The following ME2 variants were observed in gnomAD, a reference collection of about 807,000 sequenced individuals.
The protein encoded by ME2 is NAD-dependent malic enzyme, mitochondrial.
In ME2, 60 loss-of-function variants were observed where a neutral mutation model predicts 73.7. The observed-to-expected ratio is 0.81, with a 90% CI of 0.66 to 1.01. The LOEUF (loss-of-function observed/expected upper bound fraction) is 1.01. Ranked by LOEUF, ME2 falls within the 50% of genes least tolerant of loss-of-function variation. ME2 has a pLI of 0.00. For missense variants in ME2, 594 were observed against 705.5 expected (o/e 0.84, Z 1.79); for synonymous variants, 199 against 236.9 (o/e 0.84, Z 1.47).
At chr18:50,889,432 G>A (rs1028276699) in intron 1 of ME2, among the ~76,000 whole-genome samples, 3 of 152,210 alleles carry the variant, frequency 2.0e-5, no homozygotes, top group African/African-American at 4.8e-5. Flanking sequence ...CCTGTCCAGA[G>A]AGGGCATGGA....
chr18:50,905,749 T>C (rs967498484), intron 2 of ME2, among the ~76,000 whole-genome samples: 4 of 152,206 alleles, frequency 2.6e-5, no homozygotes, highest in African/African-American at 9.6e-5. Flanking sequence ...GATAGGAGGC[T>C]TTGGAGACCA....
rs1274604441 is a variant in ME2, at chr18:50,954,085, T to G, written c.*6901T>G. The G allele has an allele frequency of 6.6e-6, 1 of 152,234 alleles. No individual in the cohort carries two copies. Among genetic ancestry groups the G allele is most frequent in the Non-Finnish European group, 1.5e-5 (1 of 68,036 alleles). 9.4% of individuals were successfully genotyped at this position (152,234 alleles called of 1,614,324 possible). ...GTAATTGCTTATGGGAATGCTAGTT[T>G]AAGAGGAATGCCTTGTATAGAACAT... On this transcript the variant is annotated 3_prime_UTR_variant, in exon 16 of 16. Coordinates refer to ENST00000321341, the MANE Select transcript of ME2 (RefSeq NM_002396.5).
chr18:50,890,192 A>G (rs1317377424), intron 1 of ME2, among the ~76,000 whole-genome samples: 1 of 152,204 alleles, frequency 6.6e-6, no homozygotes, highest in Non-Finnish European at 1.5e-5. Context: ...CTCAAAAGGC[A>G]AACTATAATA....
In ME2 at chr18:50,950,486, T is replaced by TTTTTTTTTC. The variant is rs1918200941; in HGVS notation, c.*3310_*3311insCTTTTTTTT. 1 of 142,874 alleles carries TTTTTTTTTC rather than the reference T, an allele frequency of 7.0e-6. No homozygotes were observed. Among genetic ancestry groups the TTTTTTTTTC allele is most frequent in the Non-Finnish European group, 1.5e-5 (1 of 65,650 alleles). 8.9% of individuals were successfully genotyped at this position (142,874 alleles called of 1,614,324 possible). Reference sequence around the variant, plus strand: ...ATTCTGCTTTTTTTTTTTTTTTTTTTTTTTTTTTTAAACAGGGTCTCTTTC... The same window carrying TTTTTTTTTC: ...ATTCTGCTTTTTTTTTTTTTTTTTTTTTTTTTTTCTTTTTTTTTAAACAGGGTCTCTTTC... On this transcript the variant is annotated 3_prime_UTR_variant, in exon 16 of 16. Transcript: ENST00000321341.
chr18:50,906,443 G>C (rs868568457), intron 2 of ME2, among the ~76,000 whole-genome samples: 37 of 152,226 alleles, frequency 2.4e-4, no homozygotes, highest in Middle Eastern at 3.4e-3. Context: ...CCCCCGAGTA[G>C]CTGGGACCAC....
At chr18:50,919,668 C>T (rs1917374581) in intron 7 of ME2, among the ~76,000 whole-genome samples, 1 of 152,174 alleles carries the variant, frequency 6.6e-6, no homozygotes. Flanking sequence ...GCTTCTGCCA[C>T]TCCCGTCTCC....
chr18:50,934,512 G>A (rs1917771228), intron 13 of ME2: 1 of 152,102 alleles, frequency 6.6e-6, no homozygotes, highest in East Asian at 1.9e-4. Flanking sequence ...ACCAGGTGTA[G>A]TGGTGCACAC....
intron 15 of ME2, among the ~76,000 whole-genome samples, chr18:50,943,027 G>C (rs1467994691): frequency 1.3e-5 from 2 of 151,864 alleles, no homozygotes; most frequent in African/African-American, 4.8e-5. Context: ...AAACTCCTAG[G>C]CTCAAGTGAT....
intron 12 of ME2, among the ~76,000 whole-genome samples, chr18:50,931,850 ATTTTTTGT>A (rs1917698335): frequency 6.7e-6 from 1 of 149,194 alleles, no homozygotes; most frequent in African/African-American, 2.6e-5. Context: ...AATTTTTTGT[ATTTTTTGT>A]ATTTTTTGTA....
rs142825462 is a variant in ME2, at chr18:50,891,974, T to G, written c.-12-3835T>G. 2.9e-3 allele frequency among the ~76,000 whole-genome samples: 430 copies of G among 148,230 alleles called. 3 individuals carry two copies. Among genetic ancestry groups the G allele is most frequent in the African/African-American group, 0.01 (402 of 38,290 alleles). On this transcript the variant is annotated intron_variant, in intron 1 of 15. Coordinates refer to ENST00000321341, the MANE Select transcript of ME2 (RefSeq NM_002396.5). ...CACCACCACACCCAGCTAATTTTAT[T>G]TTTGTGTGTGTGGGTTTTTTTTTTT...
At chr18:50,935,565 A>T (rs1224220150) in intron 13 of ME2, 1 of 148,186 alleles carries the variant, frequency 6.7e-6, no homozygotes, top group Non-Finnish European at 1.5e-5. Flanking sequence ...CAACGTAGTG[A>T]GACCCCCATC....
intron 3 of ME2, among the ~76,000 whole-genome samples, chr18:50,908,594 T>C (rs982151959): frequency 3.3e-5 from 5 of 152,194 alleles, no homozygotes; most frequent in African/African-American, 1.2e-4. Context: ...TCTAGGATAC[T>C]TTGGAGAATA....
chr18:50,939,683 T>C (rs1276728321), intron 14 of ME2, 43 bp downstream of exon 14: 2 of 1,302,598 alleles, frequency 1.5e-6, no homozygotes, highest in East Asian at 2.3e-5. Context: ...GGATGAATTA[T>C]AAAGATGAGT....
chr18:50,924,213 G>A lies in ME2; in HGVS notation c.1171+1G>A. On this transcript the variant is annotated splice_donor_variant, in intron 11 of 15. Transcript: ENST00000321341. LOFTEE classifies it high-confidence loss of function. The stretch of plus-strand genomic sequence containing the variant: ...ATACTGAAGCCTTCAACTATAATTG[G>A]TAGGTAAAGTTTTTCTGATAAATAA... The A allele has an allele frequency of 6.3e-7, 1 of 1,581,026 alleles. No homozygotes were observed. The highest frequency in any genetic ancestry group is 8.6e-7 in the Non-Finnish European group (1 of 1,156,736).
At chr18:50,918,742 C>G (rs1264816307) in intron 7 of ME2, among the ~76,000 whole-genome samples, 1 of 144,486 alleles carries the variant, frequency 6.9e-6, no homozygotes, top group Non-Finnish European at 1.5e-5. Context: ...TTCTTGCTGT[C>G]TCTTACTAAA....
chr18:50,946,293 C>T (rs1219400096), intron 15 of ME2, among the ~76,000 whole-genome samples: 1 of 152,104 alleles, frequency 6.6e-6, no homozygotes, highest in East Asian at 1.9e-4. Context: ...ATTTGAAATT[C>T]ACTCAAGCCA....
At position 50,942,070 on chromosome 18, in the gene ME2, TCTC is replaced by T. The variant is rs927558978; in HGVS notation, c.1587+1688_1587+1690del. Reference sequence around the variant, plus strand: ...AATTATTTGTTTATTTTGTGGATTCTCTCCTCACCTTTTATGAATATTAATGCC... The same window carrying T: ...AATTATTTGTTTATTTTGTGGATTCTCTCACCTTTTATGAATATTAATGCC... On this transcript the variant is annotated intron_variant, in intron 15 of 15. Transcript: ENST00000321341. Among the ~76,000 whole-genome samples, 91 of 152,232 alleles carry T rather than the reference TCTC, an allele frequency of 6.0e-4. 2 individuals are homozygous for T. The highest frequency in any genetic ancestry group is 2.1e-3 in the African/African-American group (88 of 41,514).
At chr18:50,925,386 C>T (rs921254722) in intron 11 of ME2, among the ~76,000 whole-genome samples, 4 of 152,048 alleles carry the variant, frequency 2.6e-5, no homozygotes, top group African/African-American at 7.2e-5. Flanking sequence ...AGGTGAGGCA[C>T]GAGAATCACT....
intron 4 of ME2, among the ~76,000 whole-genome samples, chr18:50,914,352 G>T (rs1193887696): frequency 6.6e-6 from 1 of 152,194 alleles, no homozygotes; most frequent in Non-Finnish European, 1.5e-5. Flanking sequence ...TAGAAATACT[G>T]ATGCCTGAGC....
Sources: allele counts gnomAD v4.1 joint callset (sites outside exome capture counted in the v4.1 genomes callset), GRCh38; gene constraint gnomAD v4.1.1; transcripts MANE v1.5; gene names NCBI Gene and HGNC (gene_info 2026-07-23, HGNC 2026-07-21).